Variants in PPP1R42 observed in about 807,000 individuals in gnomAD.
PPP1R42 encodes protein phosphatase 1 regulatory subunit 42.
In PPP1R42, 34 loss-of-function variants were observed where a neutral mutation model predicts 31.0. The observed-to-expected ratio is 1.10, with a 90% CI of 0.83 to 1.46. The LOEUF (loss-of-function observed/expected upper bound fraction) is 1.46. Among genes scored for constraint, PPP1R42 ranks in the 40% most tolerant of loss-of-function variants. The pLI, the probability that PPP1R42 is intolerant of heterozygous loss-of-function variation, is 0.00. For synonymous variants in PPP1R42, 103 were observed against 109.8 expected (o/e 0.94, Z 0.39); for missense variants, 268 against 303.0 (o/e 0.88, Z 0.86).
intron 7 of PPP1R42, chr8:66,970,801 G>A (rs1355478455): frequency 1.6e-6 from 1 of 619,278 alleles, no homozygotes; most frequent in East Asian, 3.4e-5. Context: ...GTAACTTTCT[G>A]AGTGTTTGGG....
At chr8:67,014,692 T>G in intron 2 of PPP1R42, 100 bp from the exon 3 acceptor site, 27 of 738,744 alleles carry the variant, frequency 3.7e-5, no homozygotes, top group Non-Finnish European at 4.9e-5. Context: ...CAAATTTCTC[T>G]AAGGTTAATA....
intron 5 of PPP1R42, among the ~76,000 whole-genome samples, chr8:66,997,468 T>TA (rs1554540839): frequency 2.7e-5 from 4 of 148,168 alleles, no homozygotes; most frequent in Admixed American, 6.7e-5. Flanking sequence ...CCCAGCTAAT[T>TA]AAAAAAAAAG....
chr8:66,965,534 TCAAGTGATCCTC>T lies in PPP1R42; in HGVS notation c.803-1212_803-1201del, dbSNP rs750617779. On this transcript the variant is annotated intron_variant, in intron 7 of 7. Transcript: ENST00000685739. ...TCACTGCAGGCTTGAACTCCGGGGA[TCAAGTGATCCTC>T]CAAGTGATCCTTCCACCCTAGCCTC... Among the ~76,000 whole-genome samples, 56 of 151,242 alleles carry T rather than the reference TCAAGTGATCCTC, an allele frequency of 3.7e-4. No individual in the cohort carries two copies. The East Asian group carries it at 0.01, about 27-fold the overall frequency.
chr8:66,981,300 G>T (rs1814826221), intron 7 of PPP1R42, among the ~76,000 whole-genome samples: 1 of 151,926 alleles, frequency 6.6e-6, no homozygotes, highest in African/African-American at 2.4e-5. Context: ...TGGAGTATGT[G>T]CATAAGAAGG....
At chr8:66,994,909 G>A (rs1232618614) in intron 5 of PPP1R42, among the ~76,000 whole-genome samples, 1 of 152,034 alleles carries the variant, frequency 6.6e-6, no homozygotes, top group Non-Finnish European at 1.5e-5. Flanking sequence ...TTTTCTGTAG[G>A]CACACTTAAG....
At chr8:67,003,389 CTTTTTTTTTT>C (rs5892069) in intron 5 of PPP1R42, among the ~76,000 whole-genome samples, 6 of 32,938 alleles carry the variant, frequency 1.8e-4, no homozygotes, top group African/African-American at 7.0e-4. Context: ...TTTCATGCTT[CTTTTTTTTTT>C]TTTTTTTTTT....
intron 5 of PPP1R42, among the ~76,000 whole-genome samples, chr8:66,995,509 T>C (rs1257273852): frequency 6.6e-6 from 1 of 152,236 alleles, no homozygotes; most frequent in Non-Finnish European, 1.5e-5. Context: ...TTCTCCAGAA[T>C]ATTTTTTTGT....
chr8:67,020,421 G>A (rs1035885687), intron 1 of PPP1R42, among the ~76,000 whole-genome samples: 4 of 152,094 alleles, frequency 2.6e-5, no homozygotes, highest in East Asian at 1.9e-4. Context: ...GGCTAGTCTC[G>A]AACTCCTGAC....
At chr8:66,993,645 A>C (rs1276846998) in intron 5 of PPP1R42, among the ~76,000 whole-genome samples, 2 of 152,236 alleles carry the variant, frequency 1.3e-5, no homozygotes, top group Admixed American at 6.5e-5. Flanking sequence ...GCAGAGACAC[A>C]TACTTCATTT....
intron 7 of PPP1R42, among the ~76,000 whole-genome samples, chr8:66,972,830 G>A (rs1814571581): frequency 6.6e-6 from 1 of 152,026 alleles, no homozygotes; most frequent in Admixed American, 6.6e-5. Flanking sequence ...TTCCACATCT[G>A]TTATTTTCCC....
intron 1 of PPP1R42, among the ~76,000 whole-genome samples, chr8:67,021,795 T>G (rs181539622): frequency 2.0e-5 from 3 of 152,312 alleles, no homozygotes; most frequent in Admixed American, 1.3e-4. Context: ...ATTTTACATG[T>G]TATCAATGAT....
At position 66,964,110 on chromosome 8, in the gene PPP1R42, T is replaced by C; in HGVS notation, c.*211A>G. 1 of 377,274 alleles carries C rather than the reference T, an allele frequency of 2.7e-6. No homozygotes were observed. Among genetic ancestry groups the C allele is most frequent in the Non-Finnish European group, 5.1e-6 (1 of 197,764 alleles). The allele number at this position is 377,274 out of a possible 1,614,324, so 23.4% of individuals were successfully genotyped here. A position where few individuals can be genotyped will look rare whatever the true frequency, so the allele number is the denominator to read the frequency against. On this transcript the variant is annotated 3_prime_UTR_variant, in exon 8 of 8. Transcript: ENST00000685739. ...AGCAAATCAAACAATAACTTAAAAG[T>C]TTTTCCTTATATTATGAGATACCAT...
In PPP1R42 at chr8:67,010,850, A is replaced by T; in HGVS notation, c.436-19T>A. 6.4e-7 allele frequency: 1 copy of T among 1,554,822 alleles called. No homozygotes were observed. Among genetic ancestry groups the T allele is most frequent in the Non-Finnish European group, 8.7e-7 (1 of 1,146,482 alleles). The stretch of plus-strand genomic sequence containing the variant: ...GGGATTTCTGTAAGAAAAATAACGA[A>T]GTTAGCATTAGTAAATAGTCTAAAT... On this transcript the variant is annotated intron_variant, in intron 4 of 7. Coordinates refer to ENST00000685739, the MANE Select transcript of PPP1R42 (RefSeq NM_001364910.1).
At chr8:66,978,512 C>G (rs1814738529) in intron 7 of PPP1R42, among the ~76,000 whole-genome samples, 1 of 152,146 alleles carries the variant, frequency 6.6e-6, no homozygotes, top group Admixed American at 6.5e-5. Context: ...TCACTGCCTC[C>G]TGGGTTCAAG....
intron 4 of PPP1R42, among the ~76,000 whole-genome samples, chr8:67,011,520 G>C (rs940310214): frequency 6.6e-6 from 1 of 152,136 alleles, no homozygotes; most frequent in East Asian, 1.9e-4. Context: ...CTCAAAAAAA[G>C]ATTTGTGCTT....
chr8:66,978,059 C>A (rs1340650274), intron 7 of PPP1R42, among the ~76,000 whole-genome samples: 1 of 152,174 alleles, frequency 6.6e-6, no homozygotes, highest in Admixed American at 6.5e-5. Flanking sequence ...TGCATTCTCA[C>A]CAGCTGTATT....
chr8:67,019,637 G>C (rs966540915), intron 1 of PPP1R42, among the ~76,000 whole-genome samples: 3 of 151,730 alleles, frequency 2.0e-5, no homozygotes, highest in Non-Finnish European at 4.4e-5. Context: ...AAGAAACTAA[G>C]TCCCCAGCAC....
intron 7 of PPP1R42, among the ~76,000 whole-genome samples, chr8:66,966,934 A>G (rs1814399695): frequency 6.6e-6 from 1 of 152,242 alleles, no homozygotes; most frequent in Admixed American, 6.5e-5. Flanking sequence ...CAGAAGTCAC[A>G]AAAACTAGCT....
At chr8:66,987,691 T>G (rs553042489) in intron 6 of PPP1R42, among the ~76,000 whole-genome samples, 37 of 152,288 alleles carry the variant, frequency 2.4e-4, no homozygotes, top group African/African-American at 8.9e-4. Flanking sequence ...TTATTTCATT[T>G]TAATAAGTTT....
Sources: allele counts gnomAD v4.1 joint callset (sites outside exome capture counted in the v4.1 genomes callset), GRCh38; gene constraint gnomAD v4.1.1; transcripts MANE v1.5; gene names NCBI Gene and HGNC (gene_info 2026-07-23, HGNC 2026-07-21).